Variants in TARS2 observed in about 807,000 individuals in gnomAD.
TARS2 encodes threonyl-tRNA synthetase 2, mitochondrial, also known as threonine--tRNA ligase, mitochondrial.
Under a neutral mutation model 94.4 loss-of-function variants are expected in TARS2, and 61 were observed. The ratio of observed to expected loss-of-function variants is 0.65; its 90% CI spans 0.53 to 0.80. The LOEUF (loss-of-function observed/expected upper bound fraction) is 0.80. TARS2 is among the 30% of genes least tolerant of loss of function. The pLI is 0.00. For missense variants in TARS2, 704 were observed against 902.5 expected, an observed-to-expected ratio of 0.78 and a Z score of 2.82; for synonymous variants, 359 against 353.4, an observed-to-expected ratio of 1.02 and a Z score of -0.18.
Position 150,504,689 on chromosome 1 carries a change from G to C in TARS2, c.1776G>C (p.Val592=). 3 of 1,614,126 alleles carry C rather than the reference G, an allele frequency of 1.9e-6. No homozygotes were observed. Among genetic ancestry groups the C allele is most frequent in the East Asian group, 2.2e-5 (1 of 44,882 alleles). ...VLIHRAVLGS[V]ERLLGVLAES... ...TTCACCGAGCAGTGCTCGGTTCTGT[G>C]GAAAGACTGTTGGGAGTGCTGGCAG... is the stretch of plus-strand genomic sequence containing the variant. The change falls in exon 15 of 18, where the codon GTG becomes GTC. Residue 592 remains valine (V), a synonymous_variant. Coordinates refer to ENST00000369064, the MANE Select transcript of TARS2 (RefSeq NM_025150.5).
chr1:150,504,707 G>A lies in TARS2; in HGVS notation c.1794G>A (p.Val598=). ...VLGSVERLLG[V]LAESCGGKWP... ...GTTCTGTGGAAAGACTGTTGGGAGT[G>A]CTGGCAGAAAGCTGCGGGGGGAAAT... The change falls in exon 15 of 18, where the codon GTG becomes GTA. Residue 598 remains valine (V), a synonymous_variant. Coordinates refer to ENST00000369064, the MANE Select transcript of TARS2 (RefSeq NM_025150.5). 3.1e-6 allele frequency: 5 copies of A among 1,614,160 alleles called. No homozygotes were observed. The highest frequency in any genetic ancestry group is 4.2e-6 in the Non-Finnish European group (5 of 1,180,030).
chr1:150,489,370 G>A (rs1570832046), intron 3 of TARS2: 1 of 405,198 alleles, frequency 2.5e-6, no homozygotes, highest in East Asian at 5.9e-5. Flanking sequence ...CAACTCTTGA[G>A]CACGTACATT....
chr1:150,500,756 G>A (rs941057135), intron 13 of TARS2, among the ~76,000 whole-genome samples: 5 of 151,978 alleles, frequency 3.3e-5, no homozygotes, highest in African/African-American at 7.3e-5. Flanking sequence ...CCCAGGAGGC[G>A]GAGGTTGCAG....
intron 7 of TARS2, among the ~76,000 whole-genome samples, chr1:150,494,816 T>G (rs973884742): frequency 2.0e-5 from 3 of 152,076 alleles, no homozygotes; most frequent in Non-Finnish European, 4.4e-5. Flanking sequence ...GGCGAGTGAA[T>G]CACGAGGTCC....
At position 150,493,331 on chromosome 1, in the gene TARS2, C is replaced by T. The variant is rs587723259; in HGVS notation, c.774+842C>T. On this transcript the variant is annotated intron_variant, in intron 7 of 17. Transcript: ENST00000369064. ...TATTAAGGGGGGTGGAGGGGTGGAG[C>T]AGGAGGGTGTGAGCAAGCTGGATGG... is the stretch of plus-strand genomic sequence containing the variant. Among the ~76,000 whole-genome samples, 7 of 152,004 alleles carry T rather than the reference C, an allele frequency of 4.6e-5. No homozygotes were observed. The East Asian group carries it at 1.4e-3, about 29-fold the overall frequency.
rs1420165796 is a variant in TARS2 at position 150,503,736 on chromosome 1, CACAT to C, written c.1618-593_1618-590del. 2.4e-4 allele frequency among the ~76,000 whole-genome samples: 36 copies of C among 150,296 alleles called. 1 individual carries two copies. Among genetic ancestry groups the C allele is most frequent in the African/African-American group, 7.6e-4 (31 of 40,846 alleles). The stretch of plus-strand genomic sequence containing the variant: ...ACACACACACACACACATATACACA[CACAT>C]ACATATATATATGTTAGCTGGGCGT... On this transcript the variant is annotated intron_variant, in intron 13 of 17. Coordinates refer to ENST00000369064, the MANE Select transcript of TARS2 (RefSeq NM_025150.5).
At chr1:150,492,531 G>T (rs2102480849) in intron 7 of TARS2, 42 bp downstream of exon 7, 2 of 1,603,444 alleles carry the variant, frequency 1.2e-6, no homozygotes, top group East Asian at 4.5e-5. Context: ...CCTATTTTGA[G>T]CCGGGCATGG....
chr1:150,489,375 T>C, intron 3 of TARS2: 2 of 398,690 alleles, frequency 5.0e-6, no homozygotes, highest in Non-Finnish European at 9.6e-6. Flanking sequence ...CTTGAGCACG[T>C]ACATTATAAG....
chr1:150,496,268 G>C (rs1043914754), intron 7 of TARS2, among the ~76,000 whole-genome samples: 2 of 152,010 alleles, frequency 1.3e-5, no homozygotes, highest in African/African-American at 4.8e-5. Flanking sequence ...GGTTAGGCCT[G>C]ACCAGGTTGT....
chr1:150,492,921 C>T (rs1669469046), intron 7 of TARS2, among the ~76,000 whole-genome samples: 1 of 150,032 alleles, frequency 6.7e-6, no homozygotes, highest in Non-Finnish European at 1.5e-5. Context: ...GTCTCTCGGT[C>T]GCCCAGGCTG....
rs201411757 is a variant in TARS2, at chr1:150,496,455, C to T, written c.775-27C>T. 5.7e-6 allele frequency: 9 copies of T among 1,575,760 alleles called. No individual in the cohort carries two copies. In the African/African-American group the frequency reaches 8.1e-5, roughly 14 times the overall value. ...GTGGGGGCCTTCAGTCCTCATCTTT[C>T]CTTTGATCCCCTATGTCCTCACACA... On this transcript the variant is annotated intron_variant, in intron 7 of 17. Transcript: ENST00000369064.
chr1:150,499,736 G>C (rs1283883127), intron 13 of TARS2, among the ~76,000 whole-genome samples: 1 of 152,138 alleles, frequency 6.6e-6, no homozygotes, highest in East Asian at 1.9e-4. Flanking sequence ...CTTGGCATCT[G>C]CAATCTAGTG....
chr1:150,504,531 C>G, intron 14 of TARS2, 96 bp downstream of exon 14: 1 of 1,567,640 alleles, frequency 6.4e-7, no homozygotes, highest in South Asian at 1.1e-5. Context: ...ACACCCTCTC[C>G]TGCCAGAGCT....
chr1:150,502,294 TCA>T (rs1669959722), intron 13 of TARS2, among the ~76,000 whole-genome samples: 1 of 151,154 alleles, frequency 6.6e-6, no homozygotes, highest in Non-Finnish European at 1.5e-5. Context: ...GGATCTTGGC[TCA>T]CTGCAACCTC....
At chr1:150,498,694 T>C (rs1398165042) in intron 11 of TARS2, 30 bp downstream of exon 11, 1 of 1,613,238 alleles carries the variant, frequency 6.2e-7, no homozygotes. Context: ...ACCAAAGCTT[T>C]TCTAAACCAC....
At chr1:150,489,271 G>C (rs587672956) in intron 3 of TARS2, 184 bp downstream of exon 3, 1 of 796,258 alleles carries the variant, frequency 1.3e-6, no homozygotes, top group Non-Finnish European at 2.1e-6. Context: ...ACTTAGCTTC[G>C]ATCTATTAAG....
chr1:150,506,371 A>G (rs1670202770), intron 17 of TARS2, among the ~76,000 whole-genome samples: 1 of 151,898 alleles, frequency 6.6e-6, no homozygotes, highest in Non-Finnish European at 1.5e-5. Flanking sequence ...AGTGGGACTG[A>G]TGAGAGGAAA....
In TARS2 at chr1:150,490,730, G is replaced by A. The variant is rs777578356; in HGVS notation, c.512+5G>A. Reference sequence around the variant, plus strand: ...TTTCTTCCTGGGAAAGGAGAGGTGAGTAATGAAAGGAAGGAGGAGAATGAT... The same window carrying A: ...TTTCTTCCTGGGAAAGGAGAGGTGAATAATGAAAGGAAGGAGGAGAATGAT... On this transcript the variant is annotated splice_donor_5th_base_variant and intron_variant, in intron 4 of 17. Coordinates refer to ENST00000369064, the MANE Select transcript of TARS2 (RefSeq NM_025150.5). 3.7e-6 allele frequency: 6 copies of A among 1,613,556 alleles called. No individual in the cohort carries two copies. Among genetic ancestry groups the A allele is most frequent in the Non-Finnish European group, 5.1e-6 (6 of 1,179,872 alleles).
rs892442979 is a variant in TARS2, at chr1:150,504,969, C to T, written c.1884C>T (p.Tyr628=). The part of the protein sequence containing the change: ...VIPVGSEQEE[Y]AKEAQQSLRA... ...CTGTGGGGAGTGAGCAAGAGGAATA[C>T]GCCAAAGAGGTAAGGAGTTGAGGTA... Residue 628 remains tyrosine (Y), a synonymous_variant, in exon 16 of 18, where the codon TAC becomes TAT. Transcript: ENST00000369064. 2.0e-5 allele frequency: 32 copies of T among 1,613,982 alleles called. No homozygotes were observed. The highest frequency in any genetic ancestry group is 2.7e-5 in the African/African-American group (2 of 74,880).
Sources: allele counts gnomAD v4.1 joint callset (sites outside exome capture counted in the v4.1 genomes callset), GRCh38; gene constraint gnomAD v4.1.1; transcripts MANE v1.5; gene names NCBI Gene and HGNC (gene_info 2026-07-23, HGNC 2026-07-21).